Variants in BNC2 observed in about 807,000 individuals in gnomAD.
The protein encoded by BNC2 is basonuclin zinc finger protein 2.
Under a neutral mutation model 76.3 loss-of-function variants are expected in BNC2, and 20 were observed. That is an observed-to-expected ratio of 0.26 (90% CI 0.18 to 0.38). BNC2 has a LOEUF of 0.38. Among genes scored for constraint, BNC2 ranks in the 10% least tolerant of loss-of-function variants. The pLI is 1.00. For synonymous variants in BNC2, 582 were observed against 514.8 expected, an observed-to-expected ratio of 1.13 and a Z score of -1.77; for missense variants, 1,382 against 1,399.8, an observed-to-expected ratio of 0.99 and a Z score of 0.20.
intron 1 of BNC2, among the ~76,000 whole-genome samples, chr9:16,811,607 G>GGC (rs1286933096): frequency 6.7e-6 from 1 of 148,374 alleles, no homozygotes; most frequent in Non-Finnish European, 1.5e-5. Context: ...CCCATGTGAA[G>GGC]GCTAGACATG....
intron 3 of BNC2, among the ~76,000 whole-genome samples, chr9:16,689,712 T>C (rs1365871991): frequency 1.3e-5 from 2 of 150,784 alleles, no homozygotes; most frequent in Admixed American, 1.3e-4. Flanking sequence ...CTCAGAGACA[T>C]GGCTAGGTAC....
chr9:16,617,591 G>GT (rs993141765), intron 3 of BNC2, among the ~76,000 whole-genome samples: 2 of 151,584 alleles, frequency 1.3e-5, no homozygotes, highest in African/African-American at 2.4e-5. Context: ...TATAAGTATG[G>GT]TTTTTGTGGC....
intron 3 of BNC2, among the ~76,000 whole-genome samples, chr9:16,604,625 C>G (rs1820330997): frequency 6.6e-6 from 1 of 151,950 alleles, no homozygotes; most frequent in African/African-American, 2.4e-5. Context: ...GGCAAAACCG[C>G]AGCTCTACTA....
intron 3 of BNC2, among the ~76,000 whole-genome samples, chr9:16,596,748 A>G (rs928069030): frequency 1.3e-4 from 20 of 152,178 alleles, no homozygotes; most frequent in African/African-American, 3.4e-4. Context: ...GACTGCAGAG[A>G]AACAGGAGCC....
In BNC2 at chr9:16,463,487, G is replaced by A. The variant is rs1186494275; in HGVS notation, c.670-25963C>T. ...AATTTTTTGTATTTTTAGTAGAGAC[G>A]GGGTTTCACCGTTTTAGCCAGGATG... On this transcript the variant is annotated intron_variant, in intron 5 of 6. Transcript: ENST00000380672. Among the ~76,000 whole-genome samples, 4 of 143,130 alleles carry A rather than the reference G, an allele frequency of 2.8e-5. No individual in the cohort carries two copies. In the East Asian group the frequency reaches 6.1e-4, roughly 22 times the overall value. 93.9% of individuals were successfully genotyped at this position (143,130 alleles called of 152,430 possible).
At chr9:16,823,133 T>A (rs1818378924) in intron 1 of BNC2, among the ~76,000 whole-genome samples, 1 of 152,170 alleles carries the variant, frequency 6.6e-6, no homozygotes, top group South Asian at 2.1e-4. Flanking sequence ...ATTAACTAAG[T>A]TGCTTTGTTT....
chr9:16,839,244 G>A (rs1390941067), intron 1 of BNC2, among the ~76,000 whole-genome samples: 1 of 152,148 alleles, frequency 6.6e-6, no homozygotes, highest in Non-Finnish European at 1.5e-5. Flanking sequence ...AGTAATCTTA[G>A]TTGCTTTCAA....
At chr9:16,846,388 A>G (rs1351080011) in intron 1 of BNC2, among the ~76,000 whole-genome samples, 2 of 152,216 alleles carry the variant, frequency 1.3e-5, no homozygotes, top group African/African-American at 4.8e-5. Context: ...AAGAAAAGTC[A>G]TCGTATTTCT....
Position 16,665,112 on chromosome 9 carries a change from T to A in BNC2, c.330+62685A>T, listed in dbSNP as rs748694089. 75 of 455,312 alleles carry A rather than the reference T, an allele frequency of 1.6e-4. 1 individual carries two copies. Among genetic ancestry groups the A allele is most frequent in the South Asian group, 1.1e-3 (74 of 64,502 alleles). The allele number at this position is 455,312 out of a possible 1,614,324, so 28.2% of individuals were successfully genotyped here. On this transcript the variant is annotated intron_variant, in intron 3 of 6. Transcript: ENST00000380672. Reference sequence around the variant, plus strand: ...AGCCGGGTGCAGTGGCTCACGCCTGTAATCCCAGCACTTTGGAAGTCCAAG... The same window carrying A: ...AGCCGGGTGCAGTGGCTCACGCCTGAAATCCCAGCACTTTGGAAGTCCAAG...
chr9:16,687,112 T>C (rs1226895114), intron 3 of BNC2, among the ~76,000 whole-genome samples: 1 of 152,004 alleles, frequency 6.6e-6, no homozygotes, highest in Non-Finnish European at 1.5e-5. Flanking sequence ...AATAACTAGC[T>C]CAGAGTCACA....
At chr9:16,588,327 T>G (rs1246035636) in intron 3 of BNC2, among the ~76,000 whole-genome samples, 1 of 152,224 alleles carries the variant, frequency 6.6e-6, no homozygotes, top group Non-Finnish European at 1.5e-5. Flanking sequence ...ACCTTGCAAA[T>G]TGCTTAACAC....
chr9:16,756,478 C>T (rs960311773), intron 1 of BNC2, among the ~76,000 whole-genome samples: 2 of 152,108 alleles, frequency 1.3e-5, no homozygotes, highest in Non-Finnish European at 2.9e-5. Context: ...CTTGGAGTCA[C>T]CTTTTTCTCC....
At chr9:16,729,907 T>C (rs1203069092) in intron 2 of BNC2, among the ~76,000 whole-genome samples, 1 of 152,074 alleles carries the variant, frequency 6.6e-6, no homozygotes, top group East Asian at 1.9e-4. Context: ...AATAGCAAGC[T>C]TCCTCCTCCT....
intron 5 of BNC2, among the ~76,000 whole-genome samples, chr9:16,548,416 T>C (rs1587156304): frequency 6.6e-6 from 1 of 151,822 alleles, no homozygotes; most frequent in East Asian, 1.9e-4. Context: ...TTTTTTTTTT[T>C]TTCTTTCGAG....
chr9:16,622,953 A>G (rs1820903438), intron 3 of BNC2, among the ~76,000 whole-genome samples: 1 of 152,174 alleles, frequency 6.6e-6, no homozygotes. Flanking sequence ...TAATATTAAT[A>G]AACCTTTGGT....
chr9:16,867,438 A>T (rs1819570625), intron 1 of BNC2: 1 of 152,206 alleles, frequency 6.6e-6, no homozygotes, highest in South Asian at 2.1e-4. Flanking sequence ...ATGCCATCTT[A>T]CAATAACCAT....
chr9:16,497,631 T>C (rs1050444149), intron 5 of BNC2, among the ~76,000 whole-genome samples: 8 of 152,008 alleles, frequency 5.3e-5, no homozygotes, highest in East Asian at 1.9e-4. Context: ...GACTACAAGG[T>C]ATAAAAATCG....
intron 5 of BNC2, among the ~76,000 whole-genome samples, chr9:16,543,121 G>T (rs375309628): frequency 1.4e-4 from 22 of 152,200 alleles, no homozygotes; most frequent in African/African-American, 5.3e-4. Flanking sequence ...TAAAGCTCCC[G>T]TTGCTCTAGA....
intron 3 of BNC2, 98 bp from the exon 4 acceptor site, chr9:16,583,183 AT>A: frequency 1.0e-6 from 1 of 995,390 alleles, no homozygotes; most frequent in Non-Finnish European, 1.6e-6. Flanking sequence ...ATTTTTAAAG[AT>A]TTTATGATGG....
Sources: allele counts gnomAD v4.1 joint callset (sites outside exome capture counted in the v4.1 genomes callset), GRCh38; gene constraint gnomAD v4.1.1; transcripts MANE v1.5; gene names NCBI Gene and HGNC (gene_info 2026-07-23, HGNC 2026-07-21).